Variants in FIGLA observed in about 807,000 individuals in gnomAD.
FIGLA encodes the protein folliculogenesis specific bHLH transcription factor.
A neutral mutation model predicts 21.5 loss-of-function variants in FIGLA; 17 were observed. That is an observed-to-expected ratio of 0.79 (90% CI 0.54 to 1.19). The LOEUF is 1.19. Ranked by LOEUF, FIGLA falls within the 50% of genes most tolerant of loss-of-function variation. The pLI, the probability that FIGLA is intolerant of heterozygous loss-of-function variation, is 0.00. For missense variants in FIGLA, 282 were observed against 285.0 expected, an observed-to-expected ratio of 0.99 and a Z score of 0.08; for synonymous variants, 129 against 117.6, an observed-to-expected ratio of 1.10 and a Z score of -0.63.
chr2:70,786,342 T>C (rs1675956039), intron 2 of FIGLA, among the ~76,000 whole-genome samples: 1 of 151,786 alleles, frequency 6.6e-6, no homozygotes, highest in South Asian at 2.1e-4. Flanking sequence ...TCTCGCTCTG[T>C]TGCCAGGCTG....
chr2:70,790,240 A>G (rs1484294690), intron 1 of FIGLA, among the ~76,000 whole-genome samples, 168 bp downstream of exon 1: 2 of 152,206 alleles, frequency 1.3e-5, no homozygotes, highest in African/African-American at 2.4e-5. Context: ...GGTGCAGAAG[A>G]AGGAGGCCAC....
chr2:70,782,560 T>C (rs1675874092), intron 3 of FIGLA, among the ~76,000 whole-genome samples: 1 of 152,206 alleles, frequency 6.6e-6, no homozygotes, highest in Admixed American at 6.5e-5. Flanking sequence ...GACCTGAGGA[T>C]TGTATGGCGG....
At position 70,785,531 on chromosome 2, in the gene FIGLA, CG is replaced by C. The variant is rs1558598638; in HGVS notation, c.492del (p.Phe164LeufsTer3). ...GGCCCTTCCTCTTCATTCTTCAAGC[CG>C]AAAGCACAGCTGATATGTTGGGTGA... ...RNITQHISCA[F>X]GLKNEEEGPW... is the part of the protein sequence containing the mutation. On this transcript the variant is annotated frameshift_variant, in exon 3 of 5. Coordinates refer to ENST00000332372, the MANE Select transcript of FIGLA (RefSeq NM_001004311.3). LOFTEE classifies it high-confidence loss of function. 2 of 1,613,956 alleles carry C rather than the reference CG, an allele frequency of 1.2e-6. No individual in the cohort carries two copies. The highest frequency in any genetic ancestry group is 4.5e-5 in the East Asian group (2 of 44,870).
At chr2:70,788,123 C>T (rs1382216921) in intron 1 of FIGLA, among the ~76,000 whole-genome samples, 1 of 152,224 alleles carries the variant, frequency 6.6e-6, no homozygotes, top group Non-Finnish European at 1.5e-5. Context: ...GAATTAACTA[C>T]ACCCAGGTTT....
At chr2:70,789,404 G>T (rs6546635) in intron 1 of FIGLA, among the ~76,000 whole-genome samples, 82,704 of 151,800 alleles carry the variant, frequency 0.54, 23,808 homozygotes, top group East Asian at 0.74. Context: ...TAAACTATTA[G>T]ATCATAATCT....
intron 3 of FIGLA, among the ~76,000 whole-genome samples, chr2:70,781,800 G>C (rs1675861247): frequency 6.6e-6 from 1 of 152,234 alleles, no homozygotes; most frequent in Admixed American, 6.5e-5. Flanking sequence ...GTTGGGAGCA[G>C]AGTGTAGGTG....
At chr2:70,783,982 G>A (rs1238601626) in intron 3 of FIGLA, among the ~76,000 whole-genome samples, 6 of 152,042 alleles carry the variant, frequency 3.9e-5, no homozygotes, top group South Asian at 4.2e-4. Context: ...GAGCCACTGC[G>A]CCTGGCCCCA....
At chr2:70,780,101 C>CGAGTGAACTTCTGGGGCTCTGGCCCCA in intron 3 of FIGLA, among the ~76,000 whole-genome samples, 2 of 152,280 alleles carry the variant, frequency 1.3e-5, no homozygotes, top group South Asian at 4.1e-4. Context: ...ATTCATTCCC[C>CGAGTGAACTTCTGGGGCTCTGGCCCCA]GAGTGAACTT....
At chr2:70,784,945 CAAA>C (rs35547757) in intron 3 of FIGLA, among the ~76,000 whole-genome samples, 1 of 139,392 alleles carries the variant, frequency 7.2e-6, no homozygotes, top group Non-Finnish European at 1.6e-5. Context: ...CCCCCCACCA[CAAA>C]AAAAAAAAAA....
rs782475334 is a variant in FIGLA, at chr2:70,785,611, C to A, written c.413G>T (p.Ser138Ile). Residue 138 changes from serine to isoleucine, a missense_variant, in exon 3 of 5, where the codon AGT becomes ATT. By Grantham distance (142) the Ser-to-Ile change is moderately radical. Coordinates refer to ENST00000332372, the MANE Select transcript of FIGLA (RefSeq NM_001004311.3). ...TGTATGTGATTCAGAACTGTTGTTA[C>A]TATAGCTCTGCTCATCTGGGTCTTG... ...KKQDPDEQSY[S>I]NNSSESHTSS... is the part of the protein sequence containing the mutation. 12 of 1,613,828 alleles carry A rather than the reference C, an allele frequency of 7.4e-6. No homozygotes were observed. The African/African-American group carries it at 1.3e-4, about 18-fold the overall frequency.
At position 70,782,702 on chromosome 2, in the gene FIGLA, G is replaced by GA. The variant is rs1465247828; in HGVS notation, c.609+2712dup. ...TCAGGTTGACCCTCAAATGTGCCAG[G>GA]AAAAAAGTTCTTTGTACTGCACCTG... On this transcript the variant is annotated intron_variant, in intron 3 of 4. Transcript: ENST00000332372. 2.6e-5 allele frequency among the ~76,000 whole-genome samples: 4 copies of GA among 152,266 alleles called. No homozygotes were observed. The South Asian group carries it at 8.3e-4, about 32-fold the overall frequency.
chr2:70,780,172 T>G (rs535631824), intron 3 of FIGLA, among the ~76,000 whole-genome samples: 1 of 152,274 alleles, frequency 6.6e-6, no homozygotes, highest in Admixed American at 6.5e-5. Context: ...CTCATGCACT[T>G]CATTTGGGAC....
At chr2:70,787,962 A>G (rs1675986171) in intron 1 of FIGLA, among the ~76,000 whole-genome samples, 161 bp from the exon 2 acceptor site, 1 of 152,236 alleles carries the variant, frequency 6.6e-6, no homozygotes, top group Non-Finnish European at 1.5e-5. Flanking sequence ...AGTGCAGTTC[A>G]TAGTAAAGGA....
chr2:70,783,129 A>G (rs1023732332), intron 3 of FIGLA, among the ~76,000 whole-genome samples: 5 of 152,080 alleles, frequency 3.3e-5, no homozygotes, highest in Non-Finnish European at 5.9e-5. Context: ...GAAATACTAG[A>G]ATGCTTCTGC....
At chr2:70,781,174 G>A (rs551165775) in intron 3 of FIGLA, among the ~76,000 whole-genome samples, 2 of 152,248 alleles carry the variant, frequency 1.3e-5, no homozygotes, top group African/African-American at 2.4e-5. Flanking sequence ...AGGTTTTTGC[G>A]GAGGTACAGC....
Position 70,786,276 on chromosome 2 carries a change from GTTC to G in FIGLA, c.385-640_385-638del, listed in dbSNP as rs1675954070. Among the ~76,000 whole-genome samples, 12 of 135,692 alleles carry G rather than the reference GTTC, an allele frequency of 8.8e-5. No individual in the cohort carries two copies. In the South Asian group the frequency reaches 2.9e-3, roughly 33 times the overall value. The allele number at this position is 135,692 out of a possible 152,430, so 89.0% of individuals were successfully genotyped here. Reference sequence around the variant, plus strand: ...GGTGCAGGGAGTGGGGTGGGGGGTGGTTCTTCTTTCCACTCTCGGACTTCTAGG... The same window carrying G: ...GGTGCAGGGAGTGGGGTGGGGGGTGGTTCTTTCCACTCTCGGACTTCTAGG... On this transcript the variant is annotated intron_variant, in intron 2 of 4. Coordinates refer to ENST00000332372, the MANE Select transcript of FIGLA (RefSeq NM_001004311.3).
chr2:70,787,897 T>C, intron 1 of FIGLA, 96 bp from the exon 2 acceptor site: 1 of 1,285,376 alleles, frequency 7.8e-7, no homozygotes, highest in Non-Finnish European at 1.1e-6. Flanking sequence ...TGCCTCCTTG[T>C]CTGAGTGGCA....
At chr2:70,785,708 A>G (rs1333315838) in intron 2 of FIGLA, 69 bp from the exon 3 acceptor site, 2 of 1,216,132 alleles carry the variant, frequency 1.6e-6, no homozygotes, top group East Asian at 4.7e-5. Flanking sequence ...AAACTAATAT[A>G]TTTCAAAGTT....
intron 4 of FIGLA, 31 bp from the exon 5 acceptor site, chr2:70,777,413 A>T: frequency 7.0e-7 from 1 of 1,436,890 alleles, no homozygotes; most frequent in Non-Finnish European, 9.3e-7. Context: ...CATTATAAAT[A>T]GTTAAAAATA....
Sources: allele counts gnomAD v4.1 joint callset (sites outside exome capture counted in the v4.1 genomes callset), GRCh38; gene constraint gnomAD v4.1.1; transcripts MANE v1.5; gene names NCBI Gene and HGNC (gene_info 2026-07-23, HGNC 2026-07-21).